Variants in PDXDC1 observed in about 807,000 individuals in gnomAD.
PDXDC1 encodes the protein pyridoxal-dependent decarboxylase domain-containing protein 1.
A neutral mutation model predicts 100.1 loss-of-function variants in PDXDC1; 42 were observed. The ratio of observed to expected loss-of-function variants is 0.42; its 90% CI spans 0.33 to 0.54. PDXDC1 has a LOEUF of 0.54. Among genes scored for constraint, PDXDC1 ranks in the 20% least tolerant of loss-of-function variants. The pLI is 0.10. For missense variants in PDXDC1, 636 were observed against 979.2 expected (o/e 0.65, Z 4.68); for synonymous variants, 260 against 371.7 (o/e 0.70, Z 3.46).
chr16:15,149,280 C>T, the PDXDC1 span, among the ~76,000 whole-genome samples: 2 of 152,200 alleles, frequency 1.3e-5, no homozygotes, highest in Admixed American at 1.3e-4. Flanking sequence ...CCCTCCCCAT[C>T]ATCCATCTCT....
chr16:15,104,085 T>A (rs1292790948), intron 16 of PDXDC1, among the ~76,000 whole-genome samples: 1 of 39,872 alleles, frequency 2.5e-5, no homozygotes, highest in Non-Finnish European at 4.9e-5. Context: ...GGCAGGAGGA[T>A]TGCTTGAAGC....
At chr16:15,016,774 G>A (rs1400750820) in intron 9 of PDXDC1, among the ~76,000 whole-genome samples, 4 of 152,286 alleles carry the variant, frequency 2.6e-5, no homozygotes, top group Non-Finnish European at 5.9e-5. Flanking sequence ...GGGAACGGAC[G>A]TGGGCAGCCA....
intron 16 of PDXDC1, chr16:15,128,182 C>A (rs771916985): frequency 1.2e-6 from 2 of 1,610,238 alleles, no homozygotes; most frequent in South Asian, 2.2e-5. Context: ...CGCCCCAACG[C>A]GGGGGCAGAG....
intron 16 of PDXDC1, among the ~76,000 whole-genome samples, chr16:15,116,497 A>AT (rs1303859218): frequency 7.3e-6 from 1 of 136,522 alleles, no homozygotes; most frequent in Non-Finnish European, 1.6e-5. Context: ...AAAAAAAAAA[A>AT]AAAAATTACC....
chr16:15,102,833 G>A lies in PDXDC1; in HGVS notation c.1400-36046G>A, dbSNP rs533967544. Among the ~76,000 whole-genome samples the A allele has an allele frequency of 1.0e-3, 151 of 149,924 alleles. 3 individuals carry two copies. Among genetic ancestry groups the A allele is most frequent in the East Asian group, 7.4e-3 (38 of 5,108 alleles). On this transcript the variant is annotated intron_variant, in intron 16 of 16. Transcript: ENST00000535621. ...TTGTGTTCCTGTAGTAGCAGACTTGGGAGGTTGAGGTGGCAGTATCACTTG... is the reference window on the plus strand; with the variant it reads ...TTGTGTTCCTGTAGTAGCAGACTTGAGAGGTTGAGGTGGCAGTATCACTTG...
Position 15,132,853 on chromosome 16 carries a change from C to T in PDXDC1, c.1400-6026C>T, listed in dbSNP as rs529327945. On this transcript the variant is annotated intron_variant, in intron 16 of 16. Coordinates refer to the PDXDC1 transcript ENST00000535621. ...GCCGCTCGTGCTTGGGCTCTGCCGC[C>T]ACGTCCAGGGCCCGCTCGTACTGGG... 8.1e-5 allele frequency: 128 copies of T among 1,587,486 alleles called. 1 individual carries two copies. In the African/African-American group the frequency reaches 1.2e-3, roughly 14 times the overall value.
chr16:15,132,478 G>C (rs1318246199), intron 16 of PDXDC1, among the ~76,000 whole-genome samples: 2 of 149,070 alleles, frequency 1.3e-5, no homozygotes, highest in East Asian at 4.0e-4. Context: ...CATCTTCTTA[G>C]TCCCTCCCCA....
chr16:15,023,470 T>C (rs2042352618), intron 13 of PDXDC1, among the ~76,000 whole-genome samples: 1 of 152,286 alleles, frequency 6.6e-6, no homozygotes, highest in South Asian at 2.1e-4. Context: ...TCAGTAGGTT[T>C]ATTTTTCTTT....
intron 19 of PDXDC1, 80 bp downstream of exon 19, chr16:15,033,479 C>T: frequency 6.8e-7 from 1 of 1,466,416 alleles, no homozygotes; most frequent in Non-Finnish European, 9.5e-7. Context: ...AAAGCAGCTG[C>T]CCTTGGGATG....
chr16:14,997,664 A>G, intron 1 of PDXDC1, 89 bp from the exon 2 acceptor site: 1 of 1,345,734 alleles, frequency 7.4e-7, no homozygotes, highest in Non-Finnish European at 1.0e-6. Flanking sequence ...ATCCAGAAGA[A>G]ATTATGCACT....
intron 16 of PDXDC1, among the ~76,000 whole-genome samples, chr16:15,101,324 G>C (rs1205118144): frequency 2.0e-5 from 3 of 152,178 alleles, no homozygotes; most frequent in Admixed American, 6.6e-5. Flanking sequence ...TTGTTTGTTT[G>C]TTTGTTTTTT....
At chr16:15,095,172 C>T (rs1296137602) in intron 16 of PDXDC1, among the ~76,000 whole-genome samples, 2 of 151,940 alleles carry the variant, frequency 1.3e-5, no homozygotes, top group African/African-American at 4.8e-5. Flanking sequence ...CAGGAGTCAG[C>T]CAGACCAACA....
At chr16:15,112,264 G>A (rs2047098491) in intron 16 of PDXDC1, among the ~76,000 whole-genome samples, 1 of 148,650 alleles carries the variant, frequency 6.7e-6, no homozygotes, top group Non-Finnish European at 1.5e-5. Context: ...AGTCAACCAT[G>A]CTGAAGTGCA....
intron 6 of PDXDC1, 97 bp from the exon 7 acceptor site, chr16:15,008,682 A>C: frequency 8.9e-7 from 1 of 1,128,326 alleles, no homozygotes; most frequent in Non-Finnish European, 1.3e-6. Context: ...ATTTCTTAGA[A>C]GAATAATCGT....
chr16:14,980,527 C>G (rs1165103941), intron 1 of PDXDC1, among the ~76,000 whole-genome samples: 1 of 152,274 alleles, frequency 6.6e-6, no homozygotes, highest in Non-Finnish European at 1.5e-5. Context: ...GCCCTGTGGC[C>G]TAGGCTGGAG....
chr16:15,097,468 CAAAAA>C (rs71152407), intron 16 of PDXDC1, among the ~76,000 whole-genome samples: 16 of 65,854 alleles, frequency 2.4e-4, no homozygotes, highest in Non-Finnish European at 3.7e-4. Flanking sequence ...ACTAAAAATA[CAAAAA>C]AAAAAAAAAA....
intron 16 of PDXDC1, chr16:15,045,930 C>T (rs527873161): frequency 1.3e-5 from 2 of 152,322 alleles, no homozygotes; most frequent in Admixed American, 6.5e-5. Context: ...TAATAAACTC[C>T]AAGTAGTAGC....
At chr16:15,091,250 A>C (rs2046120050) in intron 16 of PDXDC1, 5 of 1,590,968 alleles carry the variant, frequency 3.1e-6, no homozygotes, top group East Asian at 2.2e-5. Context: ...TGGGACCCAA[A>C]GAGCAAACTA....
chr16:15,101,229 A>G (rs1039756577), intron 16 of PDXDC1, among the ~76,000 whole-genome samples: 1 of 152,234 alleles, frequency 6.6e-6, no homozygotes, highest in African/African-American at 2.4e-5. Flanking sequence ...TCCTGTAAAT[A>G]TGAAATATAC....
Sources: allele counts gnomAD v4.1 joint callset (sites outside exome capture counted in the v4.1 genomes callset), GRCh38; gene constraint gnomAD v4.1.1; transcripts MANE v1.5; gene names NCBI Gene and HGNC (gene_info 2026-07-23, HGNC 2026-07-21).